The following CSTPP1 variants were observed in gnomAD, a reference collection of about 807,000 sequenced individuals.
CSTPP1 encodes UPF0705 protein C11orf49.
At chr11:47,066,956 A>G in the CSTPP1 span, among the ~76,000 whole-genome samples, 2 of 152,212 alleles carry the variant, frequency 1.3e-5, no homozygotes, top group Non-Finnish European at 2.9e-5. Flanking sequence ...TGCCATAGGA[A>G]CTTAACTCTT....
At chr11:47,122,879 A>T in the CSTPP1 span, among the ~76,000 whole-genome samples, 1 of 152,180 alleles carries the variant, frequency 6.6e-6, no homozygotes, top group Non-Finnish European at 1.5e-5. Flanking sequence ...GCAGCCAACC[A>T]AAAAATAAAT....
chr11:47,001,790 A>G, the CSTPP1 span, among the ~76,000 whole-genome samples: 1 of 152,196 alleles, frequency 6.6e-6, no homozygotes, highest in African/African-American at 2.4e-5. Flanking sequence ...TTTAAGGATC[A>G]TTCACCATCT....
chr11:47,067,852 T>C, the CSTPP1 span, among the ~76,000 whole-genome samples: 1 of 152,358 alleles, frequency 6.6e-6, no homozygotes, highest in African/African-American at 2.4e-5. Flanking sequence ...TTATTTTGCA[T>C]GTTGACTCCA....
the CSTPP1 span, among the ~76,000 whole-genome samples, chr11:46,975,936 G>A: frequency 6.6e-6 from 1 of 152,324 alleles, no homozygotes; most frequent in African/African-American, 2.4e-5. Flanking sequence ...GTGATTTTAA[G>A]TCCTGGTGAA....
chr11:47,150,883 GTTTTTTTT>G, the CSTPP1 span, among the ~76,000 whole-genome samples: 1 of 60,538 alleles, frequency 1.7e-5, no homozygotes, highest in East Asian at 5.8e-4. Flanking sequence ...GACTGTGAAG[GTTTTTTTT>G]TTTTTTTTTT....
chr11:46,974,294 G>A, the CSTPP1 span, among the ~76,000 whole-genome samples: 7 of 152,058 alleles, frequency 4.6e-5, no homozygotes, highest in South Asian at 2.1e-4. Context: ...TTGGAAGGCC[G>A]AGGCGGGCAG....
the CSTPP1 span, among the ~76,000 whole-genome samples, chr11:47,130,127 G>C: frequency 2.0e-5 from 3 of 152,052 alleles, no homozygotes; most frequent in Admixed American, 1.3e-4. Context: ...CATGGTGGCA[G>C]ACACCTGTAG....
chr11:47,078,002 A>G, the CSTPP1 span, among the ~76,000 whole-genome samples: 3 of 152,230 alleles, frequency 2.0e-5, no homozygotes, highest in South Asian at 2.1e-4. Flanking sequence ...TAATATTTAC[A>G]TAGTCATAAA....
chr11:46,967,065 G>A, the CSTPP1 span, among the ~76,000 whole-genome samples: 1 of 152,018 alleles, frequency 6.6e-6, no homozygotes, highest in Non-Finnish European at 1.5e-5. Context: ...TTGATAAAGT[G>A]TAACATCAAA....
the CSTPP1 span, among the ~76,000 whole-genome samples, chr11:46,974,058 C>T: frequency 6.6e-6 from 1 of 152,176 alleles, no homozygotes; most frequent in East Asian, 1.9e-4. Flanking sequence ...GACCCTGTCT[C>T]TACCAAAAAA....
At chr11:46,976,850 C>T in the CSTPP1 span, among the ~76,000 whole-genome samples, 1 of 152,266 alleles carries the variant, frequency 6.6e-6, no homozygotes, top group East Asian at 1.9e-4. Flanking sequence ...CCTCCCTATA[C>T]GTGTGTTTTG....
chr11:47,051,692 T>C, the CSTPP1 span, among the ~76,000 whole-genome samples: 1 of 136,350 alleles, frequency 7.3e-6, no homozygotes, highest in Non-Finnish European at 1.6e-5. Flanking sequence ...ATCTTTTTTC[T>C]TTTTTTTTTT....
At chr11:47,004,186 G>GTT in the CSTPP1 span, among the ~76,000 whole-genome samples, 2 of 136,240 alleles carry the variant, frequency 1.5e-5, no homozygotes, top group African/African-American at 2.7e-5. Flanking sequence ...TTTTGTTTTT[G>GTT]TTTTTTTTTT....
At chr11:47,147,054 T>C in the CSTPP1 span, among the ~76,000 whole-genome samples, 1 of 152,064 alleles carries the variant, frequency 6.6e-6, no homozygotes, top group Admixed American at 6.6e-5. Flanking sequence ...GGAAGAAAGG[T>C]AGAGGATAGG....
At chr11:47,028,181 C>T in the CSTPP1 span, among the ~76,000 whole-genome samples, 4 of 152,200 alleles carry the variant, frequency 2.6e-5, no homozygotes, top group Admixed American at 2.6e-4. Flanking sequence ...CCTCGGCCTC[C>T]CAAAGTGCTG....
chr11:46,955,941 C>G, the CSTPP1 span, among the ~76,000 whole-genome samples: 4 of 150,580 alleles, frequency 2.7e-5, no homozygotes, highest in African/African-American at 9.8e-5. Context: ...GTGAGCCGAT[C>G]ATGCCACTGC....
chr11:46,996,523 C>T, the CSTPP1 span, among the ~76,000 whole-genome samples: 5 of 152,060 alleles, frequency 3.3e-5, no homozygotes, highest in South Asian at 1.0e-3. Flanking sequence ...AGGATGGTCT[C>T]GATCTCCTGA....
chr11:46,973,094 G>A, the CSTPP1 span, among the ~76,000 whole-genome samples: 3 of 152,018 alleles, frequency 2.0e-5, no homozygotes, highest in South Asian at 2.1e-4. Flanking sequence ...GAAAGTATTC[G>A]GTAAACTTTC....
At chr11:47,006,073 G>A in the CSTPP1 span, among the ~76,000 whole-genome samples, 2 of 152,154 alleles carry the variant, frequency 1.3e-5, no homozygotes, top group East Asian at 3.9e-4. Context: ...CTTACATAAA[G>A]TTTAAAAAAA....
Sources: gnomAD v4.1 joint callset for allele counts (sites outside exome capture counted in the v4.1 genomes callset) on GRCh38, gnomAD v4.1.1 for gene constraint, MANE v1.5 for transcripts, NCBI Gene and HGNC (gene_info 2026-07-23, HGNC 2026-07-21) for gene names.